The following DNAH7 variants were observed in gnomAD, a reference collection of about 807,000 sequenced individuals.
DNAH7 encodes dynein axonemal heavy chain 7.
DNAH7 carries 397 observed loss-of-function variants against 444.6 expected under a neutral mutation model. That is an observed-to-expected ratio of 0.89 (90% CI 0.82 to 0.97). The LOEUF (loss-of-function observed/expected upper bound fraction) is 0.97, where lower values mean the gene tolerates loss of function less well. Among genes scored for constraint, DNAH7 ranks in the 50% least tolerant of loss-of-function variants. The pLI is 0.00. For missense variants in DNAH7, 4,902 were observed against 4,800.8 expected (o/e 1.02, Z -0.62); for synonymous variants, 1,636 against 1,624.4 (o/e 1.01, Z -0.17).
intron 48 of DNAH7, among the ~76,000 whole-genome samples, chr2:195,829,149 C>CT (rs1334921863): frequency 6.6e-6 from 1 of 151,980 alleles, no homozygotes; most frequent in Non-Finnish European, 1.5e-5. Context: ...GCTTTGCTTT[C>CT]TATTCACTGG....
intron 9 of DNAH7, among the ~76,000 whole-genome samples, chr2:196,013,913 A>G (rs751882080): frequency 2.2e-4 from 34 of 152,230 alleles, no homozygotes; most frequent in African/African-American, 7.5e-4. Context: ...ATAGCACTGA[A>G]TAAGTAGTAG....
intron 45 of DNAH7, 122 bp from the exon 46 acceptor site, chr2:195,853,650 T>G: frequency 2.1e-6 from 2 of 968,140 alleles, no homozygotes; most frequent in South Asian, 3.7e-5. Flanking sequence ...TGGGATTTCC[T>G]ATATCACTAT....
rs1412210191 is a variant in DNAH7 at position 196,027,976 on chromosome 2, A to G, written c.470T>C (p.Ile157Thr). Residue 157 changes from isoleucine to threonine, a missense_variant, in exon 6 of 65, where the codon ATA (isoleucine) becomes ACA (threonine). Coordinates refer to ENST00000312428, the MANE Select transcript of DNAH7 (RefSeq NM_018897.3). ...STIPKPTASA[I>T]EKDILRYYYY... ...GCCAGTTACCAAGATGTCTTTCTCT[A>G]TAGCAGAAGCGGTCGGTTTTGGAAT... The G allele has an allele frequency of 2.5e-6, 4 of 1,612,496 alleles. No homozygotes were observed. The highest frequency in any genetic ancestry group is 3.3e-4 in the Middle Eastern group (2 of 6,060).
intron 54 of DNAH7, among the ~76,000 whole-genome samples, chr2:195,803,617 A>G (rs1384719392): frequency 4.6e-5 from 7 of 152,232 alleles, no homozygotes; most frequent in African/African-American, 1.7e-4. Flanking sequence ...AAACTTACAG[A>G]CTAATTTAGG....
chr2:196,012,766 C>T, intron 10 of DNAH7, 21 bp downstream of exon 10: 1 of 1,596,808 alleles, frequency 6.3e-7, no homozygotes, highest in Non-Finnish European at 8.5e-7. Flanking sequence ...TGCTTTCCTA[C>T]ATGAAATTTC....
At chr2:195,793,554 C>T (rs941439225) in intron 57 of DNAH7, among the ~76,000 whole-genome samples, 8 of 152,168 alleles carry the variant, frequency 5.3e-5, no homozygotes, top group African/African-American at 1.9e-4. Context: ...AAAGCTAGTC[C>T]TATGGCAGAT....
chr2:195,987,258 G>C (rs1692980649), intron 13 of DNAH7, 65 bp from the exon 14 acceptor site: 1 of 1,276,160 alleles, frequency 7.8e-7, no homozygotes, highest in Non-Finnish European at 1.1e-6. Context: ...TCACAATTTT[G>C]CCATTCTCAT....
intron 5 of DNAH7, among the ~76,000 whole-genome samples, chr2:196,034,483 C>T (rs1696260436): frequency 6.6e-6 from 1 of 152,180 alleles, no homozygotes; most frequent in African/African-American, 2.4e-5. Flanking sequence ...CAACGCAATG[C>T]TTTCCAAGTC....
chr2:195,764,970 T>G (rs1694506802), intron 61 of DNAH7, among the ~76,000 whole-genome samples: 1 of 151,978 alleles, frequency 6.6e-6, no homozygotes, highest in Non-Finnish European at 1.5e-5. Context: ...GGAATCACAT[T>G]ACCTGATTTC....
At chr2:196,006,840 T>C (rs1575005186) in intron 10 of DNAH7, among the ~76,000 whole-genome samples, 1 of 152,114 alleles carries the variant, frequency 6.6e-6, no homozygotes, top group African/African-American at 2.4e-5. Context: ...CCAAAAAATG[T>C]AAATACATTT....
intron 46 of DNAH7, among the ~76,000 whole-genome samples, chr2:195,846,860 G>A (rs931783104): frequency 1.3e-5 from 2 of 151,924 alleles, no homozygotes; most frequent in African/African-American, 4.8e-5. Flanking sequence ...TTGGAACTCA[G>A]ACTGGCTTTC....
At chr2:196,016,236 T>TA (rs200007041) in intron 9 of DNAH7, among the ~76,000 whole-genome samples, 130 of 151,144 alleles carry the variant, frequency 8.6e-4, no homozygotes, top group East Asian at 1.9e-3. Flanking sequence ...AAAGTGGATA[T>TA]AAAAAAAAAC....
intron 15 of DNAH7, 114 bp downstream of exon 15, chr2:195,984,518 A>T (rs1489785321): frequency 2.8e-6 from 3 of 1,062,152 alleles, no homozygotes; most frequent in Non-Finnish European, 4.2e-6. Flanking sequence ...CAGCTAATTG[A>T]AAGTCATTAT....
At chr2:195,955,203 A>C (rs1391592275) in intron 19 of DNAH7, among the ~76,000 whole-genome samples, 2 of 152,162 alleles carry the variant, frequency 1.3e-5, no homozygotes, top group Admixed American at 6.5e-5. Context: ...ATTTTTGTAT[A>C]AGGTGTAAGG....
At chr2:195,847,885 G>C (rs1699104775) in intron 46 of DNAH7, among the ~76,000 whole-genome samples, 1 of 152,222 alleles carries the variant, frequency 6.6e-6, no homozygotes, top group African/African-American at 2.4e-5. Flanking sequence ...AATGCAGTTT[G>C]TGAGACTCTA....
At chr2:195,980,061 C>CAAA (rs59664135) in intron 15 of DNAH7, among the ~76,000 whole-genome samples, 207 of 74,962 alleles carry the variant, frequency 2.8e-3, no homozygotes, top group East Asian at 5.6e-3. Flanking sequence ...CAAACTAATA[C>CAAA]AAAAAAAAAA....
intron 60 of DNAH7, among the ~76,000 whole-genome samples, chr2:195,774,404 A>AG (rs749446619): frequency 2.0e-5 from 3 of 152,258 alleles, no homozygotes; most frequent in Non-Finnish European, 2.9e-5. Flanking sequence ...GTCATAGTAG[A>AG]GTAGACCAGA....
chr2:195,988,094 AC>A lies in DNAH7; in HGVS notation c.1488del (p.Lys496AsnfsTer5). On this transcript the variant is annotated frameshift_variant, in exon 13 of 65. Coordinates refer to ENST00000312428, the MANE Select transcript of DNAH7 (RefSeq NM_018897.3). LOFTEE classifies it high-confidence loss of function. ...APTEHLRLYD[K>X]YDFLITRKAE... ...GCTTTTCTGGTAATTAAAAAGTCAT[AC>A]TTGTCATAGAGTCTGAGGTGCTCAG... 6.2e-7 allele frequency: 1 copy of A among 1,613,740 alleles called. No homozygotes were observed. The highest frequency in any genetic ancestry group is 8.5e-7 in the Non-Finnish European group (1 of 1,179,782).
At chr2:195,916,504 G>A (rs999305723) in intron 24 of DNAH7, among the ~76,000 whole-genome samples, 6 of 131,602 alleles carry the variant, frequency 4.6e-5, no homozygotes, top group Admixed American at 9.5e-5. Flanking sequence ...AGTTGTTAAC[G>A]GTCTCTCTAA....
Sources: gnomAD v4.1 joint callset for allele counts (sites outside exome capture counted in the v4.1 genomes callset) on GRCh38, gnomAD v4.1.1 for gene constraint, MANE v1.5 for transcripts, NCBI Gene and HGNC (gene_info 2026-07-23, HGNC 2026-07-21) for gene names.